Variants in ADGRB3 observed in about 807,000 individuals in gnomAD.
ADGRB3 encodes brain-specific angiogenesis inhibitor 3.
Under a neutral mutation model 193.4 loss-of-function variants are expected in ADGRB3, and 37 were observed. That is an observed-to-expected ratio of 0.19 (90% confidence interval 0.15 to 0.25). ADGRB3 has a LOEUF of 0.25. Ranked by LOEUF, ADGRB3 falls within the 10% of genes least tolerant of loss-of-function variation. The pLI, the probability that ADGRB3 is intolerant of heterozygous loss-of-function variation, is 1.00. For synonymous variants in ADGRB3, 690 were observed against 644.2 expected (o/e 1.07, Z -1.08); for missense variants, 1,637 against 1,852.9 (o/e 0.88, Z 2.14).
intron 3 of ADGRB3, among the ~76,000 whole-genome samples, chr6:68,721,627 A>AAT (rs71852236): frequency 0.035 from 4,964 of 140,128 alleles, 102 homozygotes; most frequent in South Asian, 0.058. Flanking sequence ...AAGTATAATA[A>AAT]ATATATATAT....
intron 20 of ADGRB3, among the ~76,000 whole-genome samples, chr6:69,298,642 CT>C (rs1254566870): frequency 6.6e-6 from 1 of 151,820 alleles, no homozygotes; most frequent in Non-Finnish European, 1.5e-5. Context: ...GATATTTGTT[CT>C]TTTGTGTCTG....
At chr6:68,864,639 A>G (rs140645115) in intron 3 of ADGRB3, among the ~76,000 whole-genome samples, 58 of 152,260 alleles carry the variant, frequency 3.8e-4, no homozygotes, top group African/African-American at 1.3e-3. Context: ...TTGGAGGTCT[A>G]TGTTATGTTT....
intron 3 of ADGRB3, among the ~76,000 whole-genome samples, chr6:68,768,295 A>G (rs1262204218): frequency 6.6e-6 from 1 of 152,304 alleles, no homozygotes; most frequent in South Asian, 2.1e-4. Flanking sequence ...AAACTATACT[A>G]TAAGACAACA....
intron 24 of ADGRB3, among the ~76,000 whole-genome samples, chr6:69,334,461 T>G (rs1249365236): frequency 6.6e-6 from 1 of 152,178 alleles, no homozygotes; most frequent in East Asian, 1.9e-4. Context: ...TGACTGAAAG[T>G]TTCTTCCTGA....
intron 3 of ADGRB3, among the ~76,000 whole-genome samples, chr6:68,928,891 T>C (rs1767257261): frequency 6.6e-6 from 1 of 152,188 alleles, no homozygotes; most frequent in African/African-American, 2.4e-5. Context: ...AAATTACTAC[T>C]AAATTCCGGT....
chr6:68,703,800 T>C (rs1765281674), intron 3 of ADGRB3, among the ~76,000 whole-genome samples: 1 of 152,074 alleles, frequency 6.6e-6, no homozygotes, highest in Admixed American at 6.5e-5. Flanking sequence ...TTTTTGTATT[T>C]TTAGTAGAGA....
chr6:68,762,465 T>C, intron 3 of ADGRB3, among the ~76,000 whole-genome samples: 1 of 151,944 alleles, frequency 6.6e-6, no homozygotes, highest in East Asian at 1.9e-4. Flanking sequence ...TAAGACAAAA[T>C]AGACATAAGT....
At chr6:69,059,456 A>G (rs1222652109) in intron 15 of ADGRB3, among the ~76,000 whole-genome samples, 1 of 151,974 alleles carries the variant, frequency 6.6e-6, no homozygotes, top group African/African-American at 2.4e-5. Context: ...AGACTCTGCA[A>G]AAAAATGTGA....
rs150231750 is a variant in ADGRB3, at chr6:69,170,570, A to G, written c.2481-62720A>G. Among the ~76,000 whole-genome samples, 130 of 152,316 alleles carry G rather than the reference A, an allele frequency of 8.5e-4. No homozygotes were observed. The Middle Eastern group carries it at 0.01, about 12-fold the overall frequency. On this transcript the variant is annotated intron_variant, in intron 17 of 31. Transcript: ENST00000370598. ...ATTAAGGTAGAATACAAATATACAG[A>G]ACCACCACATTTCCCCAGAAAAGAA...
chr6:69,343,036 T>C (rs1159838124), intron 26 of ADGRB3, among the ~76,000 whole-genome samples: 1 of 152,016 alleles, frequency 6.6e-6, no homozygotes, highest in Non-Finnish European at 1.5e-5. Flanking sequence ...GAGGTGGATC[T>C]ACACAGGGGA....
At chr6:69,245,293 G>A (rs751823040) in intron 20 of ADGRB3, among the ~76,000 whole-genome samples, 7 of 151,908 alleles carry the variant, frequency 4.6e-5, no homozygotes, top group Non-Finnish European at 8.8e-5. Flanking sequence ...CTGACCACTC[G>A]ATTTCTCTAT....
intron 3 of ADGRB3, among the ~76,000 whole-genome samples, chr6:68,908,048 A>G (rs1030226154): frequency 6.6e-6 from 1 of 151,944 alleles, no homozygotes; most frequent in Non-Finnish European, 1.5e-5. Context: ...TGTTACATAA[A>G]GTTCGATGAG....
intron 3 of ADGRB3, among the ~76,000 whole-genome samples, chr6:68,922,900 G>A (rs544797688): frequency 1.4e-3 from 206 of 152,154 alleles, no homozygotes; most frequent in African/African-American, 4.8e-3. Flanking sequence ...GTATAATAAC[G>A]ACTGATGAAA....
chr6:69,089,070 G>A (rs1244590616), intron 17 of ADGRB3, among the ~76,000 whole-genome samples: 1 of 152,144 alleles, frequency 6.6e-6, no homozygotes, highest in Admixed American at 6.5e-5. Context: ...GAAGACAAAG[G>A]GTTAATTAGT....
intron 16 of ADGRB3, among the ~76,000 whole-genome samples, chr6:69,074,078 G>T (rs1772156891): frequency 6.6e-6 from 1 of 151,576 alleles, no homozygotes; most frequent in Non-Finnish European, 1.5e-5. Flanking sequence ...CCAGAAGCAA[G>T]AAAAAGATCA....
At chr6:69,041,551 G>A (rs1349278711) in intron 13 of ADGRB3, among the ~76,000 whole-genome samples, 2 of 152,066 alleles carry the variant, frequency 1.3e-5, no homozygotes, top group African/African-American at 4.8e-5. Context: ...ATCACAGTGT[G>A]CCTCCTCATT....
chr6:68,917,950 T>C (rs1330010138), intron 3 of ADGRB3, among the ~76,000 whole-genome samples: 1 of 152,198 alleles, frequency 6.6e-6, no homozygotes, highest in East Asian at 1.9e-4. Context: ...ATCATTTTAA[T>C]ATAACTTATT....
intron 15 of ADGRB3, among the ~76,000 whole-genome samples, chr6:69,052,988 C>T (rs1283250241): frequency 6.6e-6 from 1 of 152,226 alleles, no homozygotes; most frequent in African/African-American, 2.4e-5. Context: ...GCATTCAAGA[C>T]CAGCCTGGCC....
chr6:69,371,131 A>G (rs1769697951), intron 29 of ADGRB3, among the ~76,000 whole-genome samples: 1 of 152,142 alleles, frequency 6.6e-6, no homozygotes, highest in Admixed American at 6.6e-5. Flanking sequence ...TTCAGTCTTA[A>G]GCAGCTTCAC....
Sources: allele counts gnomAD v4.1 joint callset (sites outside exome capture counted in the v4.1 genomes callset), GRCh38; gene constraint gnomAD v4.1.1; transcripts MANE v1.5; gene names NCBI Gene and HGNC (gene_info 2026-07-23, HGNC 2026-07-21).